Variants in RFC5 observed in about 807,000 individuals in gnomAD.
RFC5 encodes A1 36 kDa subunit.
In RFC5, 26 loss-of-function variants were observed where a neutral mutation model predicts 44.3. The observed-to-expected ratio is 0.59, with a 90% CI of 0.43 to 0.81. RFC5 has a LOEUF of 0.81. RFC5 is among the 40% of genes least tolerant of loss of function. The pLI is 0.00. For missense variants in RFC5, 328 were observed against 418.6 expected (o/e 0.78, Z 1.89); for synonymous variants, 155 against 155.2 (o/e 1.00, Z 0.01).
intron 1 of RFC5, chr12:118,017,913 C>T: frequency 1.5e-6 from 1 of 673,490 alleles, no homozygotes; most frequent in South Asian, 1.7e-5. Flanking sequence ...AGTCTTCCCG[C>T]TATCTAGTTC....
downstream of RFC5, chr12:118,032,892 A>G (rs2031396907): frequency 6.6e-6 from 1 of 152,020 alleles, no homozygotes; most frequent in Admixed American, 6.6e-5. Context: ...AAAAAAATGA[A>G]ACAGAGAGCC....
chr12:118,028,249 C>G (rs1304901376), intron 9 of RFC5, among the ~76,000 whole-genome samples: 1 of 152,088 alleles, frequency 6.6e-6, no homozygotes. Context: ...TTTGGGAGGC[C>G]AAAGCAGGCA....
At chr12:118,029,374 C>T (rs1199700963) in intron 9 of RFC5, among the ~76,000 whole-genome samples, 3 of 152,080 alleles carry the variant, frequency 2.0e-5, no homozygotes, top group East Asian at 1.9e-4. Context: ...GTCATGATCA[C>T]GCCATGCCAT....
At chr12:118,038,237 C>T in the RFC5 span, 43 of 1,562,104 alleles carry the variant, frequency 2.8e-5, no homozygotes, top group Non-Finnish European at 3.5e-5. Flanking sequence ...CAGGCCACCA[C>T]TTCAGACCTC....
At chr12:118,036,351 G>A (rs1389948772), downstream of RFC5, 5 of 1,613,948 alleles carry the variant, frequency 3.1e-6, no homozygotes, top group Non-Finnish European at 4.2e-6. Flanking sequence ...AGTGACCTCA[G>A]CCTTTCGCCG....
chr12:118,023,629 T>A (rs964201779), intron 5 of RFC5, among the ~76,000 whole-genome samples: 1 of 152,014 alleles, frequency 6.6e-6, no homozygotes, highest in African/African-American at 2.4e-5. Flanking sequence ...TGTGAGAACA[T>A]TGGGTACCTA....
At chr12:118,036,794 ACTTCTGAGTCTG>A (rs566513178), downstream of RFC5, among the ~76,000 whole-genome samples, 1,026 of 152,316 alleles carry the variant, frequency 6.7e-3, 5 homozygotes, top group South Asian at 0.01. Flanking sequence ...ATGTGCAGAG[ACTTCTGAGTCTG>A]CTTCTGAGTC....
At chr12:118,025,919 G>T in intron 7 of RFC5, 91 bp downstream of exon 7, 1 of 772,202 alleles carries the variant, frequency 1.3e-6, no homozygotes. Flanking sequence ...CACAATCTCA[G>T]CTCACTGCAA....
chr12:118,021,649 A>G (rs1191954163), intron 4 of RFC5, among the ~76,000 whole-genome samples: 2 of 151,946 alleles, frequency 1.3e-5, no homozygotes, highest in Non-Finnish European at 2.9e-5. Context: ...CTAAAAAAAA[A>G]AAAAGAAAGA....
the RFC5 span, chr12:118,038,494 A>G: frequency 1.1e-6 from 1 of 949,770 alleles, no homozygotes; most frequent in Non-Finnish European, 1.6e-6. Flanking sequence ...TATACCCATC[A>G]GCTCCTATCA....
At chr12:118,036,655 G>A (rs1004968651), downstream of RFC5, 42 of 849,372 alleles carry the variant, frequency 4.9e-5, no homozygotes, top group Non-Finnish European at 5.9e-5. Context: ...CTTCCAGAAC[G>A]TGTGGTGTAG....
chr12:118,022,089 C>T (rs2030540227), intron 4 of RFC5, among the ~76,000 whole-genome samples, 197 bp from the exon 5 acceptor site: 2 of 152,194 alleles, frequency 1.3e-5, no homozygotes, highest in African/African-American at 4.8e-5. Flanking sequence ...GAAGTCTCCT[C>T]CATTCCCACC....
chr12:118,038,247 C>T, the RFC5 span: 1 of 1,583,076 alleles, frequency 6.3e-7, no homozygotes, highest in Non-Finnish European at 8.6e-7. Flanking sequence ...CTTCAGACCT[C>T]CATGTCTCAG....
chr12:118,029,746 T>G, intron 9 of RFC5, 25 bp from the exon 10 acceptor site: 1 of 1,528,700 alleles, frequency 6.5e-7, no homozygotes, highest in South Asian at 1.1e-5. Flanking sequence ...GTGACCTAAC[T>G]CATTTGATTT....
chr12:118,025,495 G>C, intron 6 of RFC5: 1 of 444,840 alleles, frequency 2.2e-6, no homozygotes, highest in Non-Finnish European at 4.1e-6. Context: ...AAGACGACTG[G>C]CTCCATGGGA....
chr12:118,024,628 C>T (rs2030804397), intron 5 of RFC5, among the ~76,000 whole-genome samples: 1 of 152,070 alleles, frequency 6.6e-6, no homozygotes, highest in Non-Finnish European at 1.5e-5. Context: ...GCCATGTTGG[C>T]CAAACCTCCT....
At chr12:118,034,859 A>G, downstream of RFC5, 2 of 809,108 alleles carry the variant, frequency 2.5e-6, no homozygotes, top group Non-Finnish European at 3.9e-6. Context: ...TGAGTTTTAT[A>G]TAATCTTGAA....
In RFC5 at chr12:118,023,524, G is replaced by A. The variant is rs530831771; in HGVS notation, c.421+1165G>A. Among the ~76,000 whole-genome samples the A allele has an allele frequency of 3.8e-4, 57 of 150,592 alleles. No homozygotes were observed. The East Asian group carries it at 0.011, about 29-fold the overall frequency. ...AGAGGTGGGGGAGGAGGAGGAGGAG[G>A]AGGACAGCGAGAATATCTTCTGGTC... On this transcript the variant is annotated intron_variant, in intron 5 of 10. Transcript: ENST00000454402.
chr12:118,018,496 C>T (rs915656013), intron 1 of RFC5, among the ~76,000 whole-genome samples: 3 of 152,274 alleles, frequency 2.0e-5, no homozygotes, highest in Non-Finnish European at 4.4e-5. Flanking sequence ...TTCTAGATAT[C>T]ACTAGATGTT....
Sources: allele counts gnomAD v4.1 joint callset (sites outside exome capture counted in the v4.1 genomes callset), GRCh38; gene constraint gnomAD v4.1.1; transcripts MANE v1.5; gene names NCBI Gene and HGNC (gene_info 2026-07-23, HGNC 2026-07-21).